Variants in ANAPC10 observed in about 807,000 individuals in gnomAD.
ANAPC10 encodes anaphase-promoting complex subunit 10.
In ANAPC10, 12 loss-of-function variants were observed where a neutral mutation model predicts 22.0. That is an observed-to-expected ratio of 0.55 (90% CI 0.35 to 0.88). The LOEUF (loss-of-function observed/expected upper bound fraction) is 0.88. Among genes scored for constraint, ANAPC10 ranks in the 40% least tolerant of loss-of-function variants. The pLI is 0.01. For missense variants in ANAPC10, 188 were observed against 220.9 expected (o/e 0.85, Z 0.94); for synonymous variants, 65 against 69.5 (o/e 0.94, Z 0.32).
At chr4:145,058,381 C>A (rs1307850067) in intron 4 of ANAPC10, among the ~76,000 whole-genome samples, 1 of 151,852 alleles carries the variant, frequency 6.6e-6, no homozygotes, top group Non-Finnish European at 1.5e-5. Flanking sequence ...ACCTCTTCAG[C>A]TTTTTAAACC....
intron 4 of ANAPC10, among the ~76,000 whole-genome samples, chr4:145,046,269 C>T (rs1740285202): frequency 6.6e-6 from 1 of 151,940 alleles, no homozygotes; most frequent in South Asian, 2.1e-4. Context: ...TTTAAAATGC[C>T]CATTTATACT....
intron 4 of ANAPC10, among the ~76,000 whole-genome samples, chr4:144,996,952 A>G (rs1731710233): frequency 2.0e-5 from 3 of 152,212 alleles, no homozygotes; most frequent in Admixed American, 2.0e-4. Context: ...CACAAGCTTC[A>G]ATAGCTGATT....
chr4:145,055,599 T>C (rs1741947345), intron 4 of ANAPC10, among the ~76,000 whole-genome samples: 1 of 151,908 alleles, frequency 6.6e-6, no homozygotes, highest in African/African-American at 2.4e-5. Context: ...AAGGAAATCC[T>C]GTCACATGAT....
At chr4:145,035,484 A>G (rs1269643790) in intron 4 of ANAPC10, 1 of 152,218 alleles carries the variant, frequency 6.6e-6, no homozygotes, top group Non-Finnish European at 1.5e-5. Flanking sequence ...CACCATTGTC[A>G]TGGGGCAGGA....
At chr4:145,058,670 C>G (rs1742431277) in intron 4 of ANAPC10, among the ~76,000 whole-genome samples, 1 of 151,960 alleles carries the variant, frequency 6.6e-6, no homozygotes, top group Non-Finnish European at 1.5e-5. Context: ...AGTTTGTGGT[C>G]AAACAAAAAC....
chr4:145,076,590 A>G (rs1274731444), intron 3 of ANAPC10, among the ~76,000 whole-genome samples: 1 of 152,228 alleles, frequency 6.6e-6, no homozygotes, highest in Non-Finnish European at 1.5e-5. Context: ...ATGGTTCTTA[A>G]CCGGATTGAA....
intron 2 of ANAPC10, 106 bp downstream of exon 2, chr4:145,095,879 A>G: frequency 6.8e-7 from 1 of 1,465,900 alleles, no homozygotes; most frequent in South Asian, 1.1e-5. Context: ...GGTTTTAGGC[A>G]TCCACTGGGA....
At chr4:145,043,741 C>A (rs1316051803) in intron 4 of ANAPC10, among the ~76,000 whole-genome samples, 1 of 151,960 alleles carries the variant, frequency 6.6e-6, no homozygotes, top group Admixed American at 6.6e-5. Context: ...AAGTTATCAC[C>A]CTCCTACAGT....
At chr4:145,026,217 T>C (rs1487432797) in intron 4 of ANAPC10, among the ~76,000 whole-genome samples, 1 of 152,164 alleles carries the variant, frequency 6.6e-6, no homozygotes, top group African/African-American at 2.4e-5. Context: ...GACCTATACA[T>C]AATGATGTGT....
chr4:145,070,361 C>CT lies in ANAPC10; in HGVS notation c.207-5670dup, dbSNP rs141518493. Among the ~76,000 whole-genome samples, 726 of 152,282 alleles carry CT rather than the reference C, an allele frequency of 4.8e-3. 9 individuals are homozygous for CT. The highest frequency in any genetic ancestry group is 0.017 in the African/African-American group (692 of 41,550). On this transcript the variant is annotated intron_variant, in intron 3 of 4. Coordinates refer to ENST00000507656, the MANE Select transcript of ANAPC10 (RefSeq NM_001256706.2). ...ACCCAATGTAAAAAGAGGGAAGGGA[C>CT]TTAAGCAGTCATTTCTCTGAAGAAG...
intron 2 of ANAPC10, among the ~76,000 whole-genome samples, chr4:145,089,665 A>G (rs188561892): frequency 9.8e-5 from 15 of 152,286 alleles, no homozygotes; most frequent in Admixed American, 9.8e-4. Flanking sequence ...ATATTGAACC[A>G]TTATTTCAAA....
At position 145,021,212 on chromosome 4, in the gene ANAPC10, T is replaced by C. The variant is rs117391390; in HGVS notation, c.328-25609A>G. Among the ~76,000 whole-genome samples the C allele has an allele frequency of 3.0e-4, 45 of 152,242 alleles. No homozygotes were observed. In the East Asian group the frequency reaches 8.5e-3, roughly 29 times the overall value. On this transcript the variant is annotated intron_variant, in intron 4 of 4. Transcript: ENST00000507656. ...TAAAGAACCACAAAAAGATTTCACATAGCCAATGCAAGACTAAGCAAAACA... is the reference window on the plus strand; with the variant it reads ...TAAAGAACCACAAAAAGATTTCACACAGCCAATGCAAGACTAAGCAAAACA...
intron 4 of ANAPC10, among the ~76,000 whole-genome samples, chr4:145,015,952 C>T (rs572140699): frequency 1.3e-5 from 2 of 152,238 alleles, no homozygotes; most frequent in African/African-American, 4.8e-5. Flanking sequence ...AACCTTAAAA[C>T]AAATCCTGGA....
chr4:145,006,702 T>C (rs1377024483), intron 4 of ANAPC10, among the ~76,000 whole-genome samples: 1 of 152,166 alleles, frequency 6.6e-6, no homozygotes, highest in Non-Finnish European at 1.5e-5. Flanking sequence ...ATAACATAAA[T>C]TTCATTATTG....
chr4:145,030,335 C>G (rs1004519634), intron 4 of ANAPC10, among the ~76,000 whole-genome samples: 4 of 152,172 alleles, frequency 2.6e-5, no homozygotes, highest in Non-Finnish European at 5.9e-5. Flanking sequence ...GGGGAAGGAC[C>G]CCACTACATT....
chr4:145,069,255 T>C (rs540711577), intron 3 of ANAPC10, among the ~76,000 whole-genome samples: 4 of 152,212 alleles, frequency 2.6e-5, no homozygotes, highest in African/African-American at 9.6e-5. Context: ...CTGAGTTTTC[T>C]GGCTGCAGGC....
At chr4:144,996,560 T>A (rs1032890545) in intron 4 of ANAPC10, among the ~76,000 whole-genome samples, 1 of 152,138 alleles carries the variant, frequency 6.6e-6, no homozygotes, top group African/African-American at 2.4e-5. Flanking sequence ...GCTGCTTGCC[T>A]GGGAGGAACC....
intron 4 of ANAPC10, among the ~76,000 whole-genome samples, chr4:145,017,869 T>TA (rs751630216): frequency 6.8e-6 from 1 of 146,892 alleles, no homozygotes; most frequent in Non-Finnish European, 1.5e-5. Context: ...ATCTCAAGGA[T>TA]AAAAAACCAA....
chr4:145,092,902 C>T (rs138172041), intron 2 of ANAPC10, among the ~76,000 whole-genome samples: 46 of 152,290 alleles, frequency 3.0e-4, no homozygotes, highest in Non-Finnish European at 6.2e-4. Flanking sequence ...GAGAGAGGGG[C>T]AAACAACAGT....
Sources: gnomAD v4.1 joint callset for allele counts (sites outside exome capture counted in the v4.1 genomes callset) on GRCh38, gnomAD v4.1.1 for gene constraint, MANE v1.5 for transcripts, NCBI Gene and HGNC (gene_info 2026-07-23, HGNC 2026-07-21) for gene names.